DZIP1L: variants seen among roughly 807,000 people sequenced by gnomAD.
DZIP1L encodes DAZ interacting zinc finger protein 1 like, also known as cilium assembly protein DZIP1L.
In DZIP1L, 90 loss-of-function variants were observed where a neutral mutation model predicts 88.7. The ratio of observed to expected loss-of-function variants is 1.02; its 90% CI spans 0.86 to 1.21. The LOEUF (loss-of-function observed/expected upper bound fraction) is 1.21, where lower values mean the gene tolerates loss of function less well. Among genes scored for constraint, DZIP1L ranks in the 50% most tolerant of loss-of-function variants. DZIP1L has a pLI of 0.00. For missense variants in DZIP1L, 932 were observed against 955.8 expected, an observed-to-expected ratio of 0.98 and a Z score of 0.33; for synonymous variants, 363 against 372.1, an observed-to-expected ratio of 0.98 and a Z score of 0.28.
intron 3 of DZIP1L, 91 bp from the exon 4 acceptor site, chr3:138,095,074 T>C: frequency 6.3e-7 from 1 of 1,578,450 alleles, no homozygotes; most frequent in Non-Finnish European, 8.6e-7. Context: ...CATACCTCGG[T>C]CTCAAACCAG....
At chr3:138,101,833 A>G (rs1027325738) in intron 2 of DZIP1L, 127 of 1,275,200 alleles carry the variant, frequency 1.0e-4, no homozygotes, top group Non-Finnish European at 1.3e-4. Flanking sequence ...CTGCCGCTCC[A>G]TGTCCTGCTT....
At chr3:138,100,979 G>A (rs941432587) in intron 2 of DZIP1L, among the ~76,000 whole-genome samples, 3 of 152,012 alleles carry the variant, frequency 2.0e-5, no homozygotes, top group African/African-American at 4.8e-5. Flanking sequence ...CTTGTCACAC[G>A]TAGATTCAAC....
chr3:138,069,071 ACAGC>A (rs1943051653), intron 12 of DZIP1L: 4 of 1,107,742 alleles, frequency 3.6e-6, no homozygotes, highest in Non-Finnish European at 4.9e-6. Flanking sequence ...GTGGGGTTGA[ACAGC>A]CATGGGTCCA....
rs1942760031 is a variant in DZIP1L, at chr3:138,063,043, C to T, written c.2143-66G>A. 3 of 1,560,960 alleles carry T rather than the reference C, an allele frequency of 1.9e-6. No homozygotes were observed. The highest frequency in any genetic ancestry group is 2.7e-5 in the African/African-American group (2 of 74,062). On this transcript the variant is annotated intron_variant, in intron 15 of 15. Transcript: ENST00000327532. The surrounding 1 kb of genome is among the most constrained non-coding windows in gnomAD (Gnocchi z 4.1). ...GGGAGGAGGGTGGCTGAGAGCTAAG[C>T]ACATTGCAGGATGGGAATGCAGAAT... is the stretch of plus-strand genomic sequence containing the variant.
chr3:138,081,819 T>A (rs1202034865), intron 8 of DZIP1L, 55 bp from the exon 9 acceptor site: 5 of 1,588,430 alleles, frequency 3.1e-6, no homozygotes, highest in Non-Finnish European at 4.3e-6. Flanking sequence ...TTGTGAGAAC[T>A]CTGCTTTGAG....
intron 15 of DZIP1L, chr3:138,064,366 GCAGGAGATGGGACAATCAAAA>G (rs1942798096): frequency 7.6e-7 from 1 of 1,312,128 alleles, no homozygotes; most frequent in Admixed American, 3.1e-5. Flanking sequence ...TCTCCGAGAG[GCAGGAGATGGGACAATCAAAA>G]CTTACTGAGC....
chr3:138,069,537 G>A (rs1943076851), intron 12 of DZIP1L, among the ~76,000 whole-genome samples: 1 of 152,164 alleles, frequency 6.6e-6, no homozygotes, highest in Admixed American at 6.5e-5. Flanking sequence ...AGGAAAGAGT[G>A]AACTGAAGAG....
rs1420022594 is a variant in DZIP1L at position 138,101,581 on chromosome 3, G to A, written c.501+1890C>T. 4 of 808,186 alleles carry A rather than the reference G, an allele frequency of 4.9e-6. No individual in the cohort carries two copies. In the East Asian group the frequency reaches 7.2e-5, roughly 15 times the overall value. The allele number at this position is 808,186 out of a possible 1,614,324, so 50.1% of individuals were successfully genotyped here. On this transcript the variant is annotated intron_variant, in intron 2 of 15. Coordinates refer to ENST00000327532, the MANE Select transcript of DZIP1L (RefSeq NM_173543.3). ...CCTGGTGGAGCTGGTGCGGCTGAAG[G>A]AGCTGGAGCCTGCGCCAGAGCCAAA...
In DZIP1L at chr3:138,063,012, T is replaced by G. The variant is rs761185485; in HGVS notation, c.2143-35A>C. 4 of 1,608,804 alleles carry G rather than the reference T, an allele frequency of 2.5e-6. No individual in the cohort carries two copies. In the South Asian group the frequency reaches 4.4e-5, roughly 18 times the overall value. On this transcript the variant is annotated intron_variant, in intron 15 of 15. Coordinates refer to ENST00000327532, the MANE Select transcript of DZIP1L (RefSeq NM_173543.3). The surrounding 1 kb of genome is among the most constrained non-coding windows in gnomAD (Gnocchi z 4.1). ...GTAAAGGGGAGAAGAAAATGCATTT[T>G]GATAAGGGAGGAGGGTGGCTGAGAG...
chr3:138,096,166 T>C (rs1199874522), intron 3 of DZIP1L, among the ~76,000 whole-genome samples: 1 of 152,176 alleles, frequency 6.6e-6, no homozygotes, highest in African/African-American at 2.4e-5. Context: ...GACTGTGGAA[T>C]AGGAGAGCTG....
At chr3:138,088,795 T>G in intron 5 of DZIP1L, 84 of 1,036,700 alleles carry the variant, frequency 8.1e-5, no homozygotes, top group East Asian at 6.0e-4. Context: ...TCCCGAGCTC[T>G]CCTGACTGCT....
chr3:138,069,242 C>T (rs1437504690), intron 12 of DZIP1L: 1 of 529,816 alleles, frequency 1.9e-6, no homozygotes. Flanking sequence ...AACATATTTG[C>T]TCTTCCTTGT....
intron 7 of DZIP1L, among the ~76,000 whole-genome samples, chr3:138,084,645 A>G (rs1943838915): frequency 6.6e-6 from 1 of 152,220 alleles, no homozygotes; most frequent in Non-Finnish European, 1.5e-5. Flanking sequence ...TGCATAAAGA[A>G]ACTTTAGAAG....
intron 7 of DZIP1L, among the ~76,000 whole-genome samples, chr3:138,086,626 T>C (rs1377091538): frequency 6.6e-6 from 1 of 152,108 alleles, no homozygotes; most frequent in Admixed American, 6.5e-5. Context: ...AGCCCAAACG[T>C]GAAACGACCA....
intron 9 of DZIP1L, 33 bp from the exon 10 acceptor site, chr3:138,080,653 T>G (rs1943605788): frequency 6.2e-7 from 1 of 1,610,046 alleles, no homozygotes; most frequent in Non-Finnish European, 8.5e-7. Flanking sequence ...GTGGCACCAG[T>G]GCTCTGGACC....
Position 138,068,187 on chromosome 3 carries a change from G to T in DZIP1L, c.1796C>A (p.Pro599His). ...APAPRPGLHGPSSTPPSSGPG... is the reference protein window; with the variant it reads ...APAPRPGLHGHSSTPPSSGPG... ...CCCCGAGGAAGGAGGGGTGCTGGAGGGTCCATGCAGTCCGGGGCGTGGAGC... is the reference window on the plus strand; with the variant it reads ...CCCCGAGGAAGGAGGGGTGCTGGAGTGTCCATGCAGTCCGGGGCGTGGAGC... The change falls in exon 13 of 16, where the codon CCC (proline) becomes CAC (histidine). Residue 599 changes from proline (P) to histidine (H), a missense_variant. Pro to His is a moderately conservative substitution (Grantham distance 77). Transcript: ENST00000327532. 6.4e-7 allele frequency: 1 copy of T among 1,569,566 alleles called. No individual in the cohort carries two copies. The highest frequency in any genetic ancestry group is 1.8e-5 in the Admixed American group (1 of 54,806).
rs1179570241 is a variant in DZIP1L, at chr3:138,062,943, G to A, written c.2177C>T (p.Ser726Phe). The change falls in exon 16 of 16, where the codon TCC becomes TTC. Residue 726 changes from serine to phenylalanine, a missense_variant. Transcript: ENST00000327532. The stretch of plus-strand genomic sequence containing the variant: ...CAGGTCCAGAGGAAGATCTTCCAAG[G>A]AGGAGATCTCCAAGTCACTCTCATC... ...SEDESDLEIS[S>F]LEDLPLDLDQ... The A allele has an allele frequency of 1.9e-6, 3 of 1,614,162 alleles. No individual in the cohort carries two copies. Among genetic ancestry groups the A allele is most frequent in the Non-Finnish European group, 8.5e-7 (1 of 1,180,034 alleles).
At chr3:138,069,129 C>T in intron 12 of DZIP1L, 1 of 707,114 alleles carries the variant, frequency 1.4e-6, no homozygotes, top group South Asian at 1.6e-5. Flanking sequence ...CGTGAGACAG[C>T]AAGAGCAACC....
intron 8 of DZIP1L, among the ~76,000 whole-genome samples, chr3:138,083,371 G>A (rs1576461221): frequency 6.6e-6 from 1 of 152,230 alleles, no homozygotes; most frequent in African/African-American, 2.4e-5. Flanking sequence ...AACAGTGGGT[G>A]CTCAGCCCAG....
Sources: gnomAD v4.1 joint callset for allele counts (sites outside exome capture counted in the v4.1 genomes callset) on GRCh38, gnomAD v4.1.1 for gene constraint, Gnocchi (gnomAD v3.1) non-coding constraint, MANE v1.5 for transcripts, NCBI Gene and HGNC (gene_info 2026-07-23, HGNC 2026-07-21) for gene names.